IDH3A: variants seen among roughly 807,000 people sequenced by gnomAD.
IDH3A encodes isocitrate dehydrogenase [NAD] subunit alpha, mitochondrial.
In IDH3A, 23 loss-of-function variants were observed where a neutral mutation model predicts 43.3. That is an observed-to-expected ratio of 0.53 (90% CI 0.38 to 0.75). The LOEUF (loss-of-function observed/expected upper bound fraction) is 0.75. Ranked by LOEUF, IDH3A falls within the 30% of genes least tolerant of loss-of-function variation. The pLI, the probability that IDH3A is intolerant of heterozygous loss-of-function variation, is 0.00. For missense variants in IDH3A, 329 were observed against 474.4 expected, an observed-to-expected ratio of 0.69 and a Z score of 2.85; for synonymous variants, 154 against 163.5, an observed-to-expected ratio of 0.94 and a Z score of 0.44.
chr15:78,166,807 T>A (rs2074749055), intron 10 of IDH3A, among the ~76,000 whole-genome samples: 1 of 152,014 alleles, frequency 6.6e-6, no homozygotes, highest in Non-Finnish European at 1.5e-5. Context: ...AATTTTTGTA[T>A]TTTTAGTAGA....
chr15:78,157,239 T>A, intron 2 of IDH3A: 3 of 952,360 alleles, frequency 3.2e-6, no homozygotes, highest in Non-Finnish European at 4.0e-6. Flanking sequence ...TCTTTGCAGC[T>A]TGTCTGAAAA....
At chr15:78,165,681 CTTTA>C (rs3972619) in intron 9 of IDH3A, among the ~76,000 whole-genome samples, 31 of 150,038 alleles carry the variant, frequency 2.1e-4, no homozygotes, top group African/African-American at 3.0e-4. Context: ...TTCTCCAAGT[CTTTA>C]TTTATTTATT....
At chr15:78,149,675 G>A (rs937866728) in intron 1 of IDH3A, among the ~76,000 whole-genome samples, 1 of 152,244 alleles carries the variant, frequency 6.6e-6, no homozygotes, top group African/African-American at 2.4e-5. Flanking sequence ...GGTCAAGGCG[G>A]GGGGGCGCCG....
chr15:78,164,828 C>T (rs1000028333), intron 8 of IDH3A, among the ~76,000 whole-genome samples, 164 bp from the exon 9 acceptor site: 1 of 152,134 alleles, frequency 6.6e-6, no homozygotes, highest in African/African-American at 2.4e-5. Flanking sequence ...GTAAGATGCT[C>T]GAGGCTCATC....
chr15:78,150,624 A>T (rs1220151188), intron 1 of IDH3A, among the ~76,000 whole-genome samples: 1 of 152,228 alleles, frequency 6.6e-6, no homozygotes, highest in African/African-American at 2.4e-5. Flanking sequence ...CCATCTGTGA[A>T]TATCTATACT....
intron 1 of IDH3A, among the ~76,000 whole-genome samples, chr15:78,153,970 A>G (rs1428247480): frequency 1.3e-5 from 2 of 152,060 alleles, no homozygotes; most frequent in African/African-American, 2.4e-5. Context: ...AGATTGCACC[A>G]TTGCACTCCA....
intron 10 of IDH3A, chr15:78,168,062 A>G (rs558275627): frequency 1.3e-5 from 2 of 152,286 alleles, no homozygotes; most frequent in Admixed American, 1.3e-4. Context: ...TGTATGCAGG[A>G]AAGAAAGGAT....
Position 78,169,325 on chromosome 15 carries a change from G to A in IDH3A, c.*320G>A. ...AAGTTAAAATAGTTTCTCTTCAGCTGTAAATAACAGGATACAGAATTAACA... is the reference window on the plus strand; with the variant it reads ...AAGTTAAAATAGTTTCTCTTCAGCTATAAATAACAGGATACAGAATTAACA... On this transcript the variant is annotated 3_prime_UTR_variant, in exon 11 of 11. Coordinates refer to ENST00000299518, the MANE Select transcript of IDH3A (RefSeq NM_005530.3). 5.4e-6 allele frequency: 1 copy of A among 185,456 alleles called. No individual in the cohort carries two copies. Among genetic ancestry groups the A allele is most frequent in the Non-Finnish European group, 1.1e-5 (1 of 90,576 alleles). 11.5% of individuals were successfully genotyped at this position (185,456 alleles called of 1,614,324 possible).
At position 78,171,289 on chromosome 15, in the gene IDH3A, G is replaced by GTA; in HGVS notation, c.*2284_*2285insTA. The GTA allele has an allele frequency of 1.8e-6, 1 of 561,074 alleles. No individual in the cohort carries two copies. 34.8% of individuals were successfully genotyped at this position (561,074 alleles called of 1,614,324 possible). ...GAATTGTCAGCTATTGTTGGCGTAA[G>GTA]ACCTGGTAAATGTAGAGCCAGTGCT... On this transcript the variant is annotated 3_prime_UTR_variant, in exon 11 of 11. Transcript: ENST00000299518.
At chr15:78,156,806 G>C in intron 2 of IDH3A, 2 of 948,276 alleles carry the variant, frequency 2.1e-6, no homozygotes. Flanking sequence ...TGAAGCCTTA[G>C]AATAAATCAT....
intron 10 of IDH3A, among the ~76,000 whole-genome samples, chr15:78,166,790 C>G (rs1054992060): frequency 2.0e-5 from 3 of 152,188 alleles, no homozygotes; most frequent in Admixed American, 6.5e-5. Context: ...TGCCACCACA[C>G]CCAGCTAATT....
intron 8 of IDH3A, 102 bp downstream of exon 8, chr15:78,163,882 G>T: frequency 1.3e-6 from 1 of 751,062 alleles, no homozygotes; most frequent in Non-Finnish European, 2.3e-6. Flanking sequence ...GTGAAATAGA[G>T]TATTTGTTGT....
rs928928890 is a variant in IDH3A, at chr15:78,157,400, AC to A, written c.91-143del. On this transcript the variant is annotated intron_variant, in intron 2 of 10. Transcript: ENST00000299518. ...GTTGATTCCTGCCTCCCCTTTGATG[AC>A]CCCCGGGGAGGTATGTTTGTTTTCT... The A allele has an allele frequency of 6.3e-5, 40 of 630,862 alleles. No homozygotes were observed. The African/African-American group carries it at 6.9e-4, about 11-fold the overall frequency. The allele number at this position is 630,862 out of a possible 1,614,324, so 39.1% of individuals were successfully genotyped here. A position where few individuals can be genotyped will look rare whatever the true frequency, so the allele number is the denominator to read the frequency against.
chr15:78,166,049 T>G, intron 9 of IDH3A, 101 bp from the exon 10 acceptor site: 1 of 1,116,054 alleles, frequency 9.0e-7, no homozygotes, highest in Non-Finnish European at 1.3e-6. Flanking sequence ...CAGTGCATAT[T>G]TTGTATTGCT....
intron 1 of IDH3A, among the ~76,000 whole-genome samples, chr15:78,154,188 G>GAA (rs35197181): frequency 1.2e-4 from 16 of 131,992 alleles, no homozygotes; most frequent in African/African-American, 2.8e-4. Context: ...ATTGGAGAGA[G>GAA]AAAAAAAAAA....
intron 4 of IDH3A, among the ~76,000 whole-genome samples, chr15:78,160,612 C>T (rs1481606602): frequency 2.0e-5 from 3 of 151,902 alleles, no homozygotes; most frequent in East Asian, 1.9e-4. Flanking sequence ...CCACCTCAGC[C>T]GCCCGAGTGG....
At chr15:78,166,102 G>GT in intron 9 of IDH3A, 48 bp from the exon 10 acceptor site, 2 of 1,577,522 alleles carry the variant, frequency 1.3e-6, no homozygotes, top group Middle Eastern at 1.7e-4. Flanking sequence ...GAAGAGGACT[G>GT]TTAGTTTTTG....
In IDH3A at chr15:78,171,340, ACTTGG is replaced by A; in HGVS notation, c.*2337_*2341del. On this transcript the variant is annotated 3_prime_UTR_variant, in exon 11 of 11. Coordinates refer to ENST00000299518, the MANE Select transcript of IDH3A (RefSeq NM_005530.3). Reference sequence around the variant, plus strand: ...GTGCCCTGACCTGGAGATCTAACAGACTTGGCAGAAATGCCTGTGCCCAGACTGAA... The same window carrying A: ...GTGCCCTGACCTGGAGATCTAACAGACAGAAATGCCTGTGCCCAGACTGAA... 1 of 889,838 alleles carries A rather than the reference ACTTGG, an allele frequency of 1.1e-6. No individual in the cohort carries two copies. Among genetic ancestry groups the A allele is most frequent in the South Asian group, 1.6e-5 (1 of 62,864 alleles). The allele number at this position is 889,838 out of a possible 1,614,324, so 55.1% of individuals were successfully genotyped here. A position where few individuals can be genotyped will look rare whatever the true frequency, so the allele number is the denominator to read the frequency against.
At chr15:78,166,014 C>T in intron 9 of IDH3A, 136 bp from the exon 10 acceptor site, 2 of 787,886 alleles carry the variant, frequency 2.5e-6, no homozygotes, top group South Asian at 3.3e-5. Context: ...CAGTCCATAT[C>T]AGATGAATTG....
Sources: allele counts gnomAD v4.1 joint callset (sites outside exome capture counted in the v4.1 genomes callset), GRCh38; gene constraint gnomAD v4.1.1; transcripts MANE v1.5; gene names NCBI Gene and HGNC (gene_info 2026-07-23, HGNC 2026-07-21).